The following SLC15A5 variants were observed in gnomAD, a reference collection of about 807,000 sequenced individuals.
SLC15A5 encodes the protein Peptide/histidine transporter ENSP00000340402.
In SLC15A5, 58 loss-of-function variants were observed where a neutral mutation model predicts 56.1. The ratio of observed to expected loss-of-function variants is 1.03; its 90% CI spans 0.84 to 1.29. The LOEUF (loss-of-function observed/expected upper bound fraction) is 1.29. Among genes scored for constraint, SLC15A5 ranks in the 50% most tolerant of loss-of-function variants. The pLI, the probability that SLC15A5 is intolerant of heterozygous loss-of-function variation, is 0.00. For synonymous variants in SLC15A5, 264 were observed against 250.5 expected (o/e 1.05, Z -0.51); for missense variants, 681 against 672.1 (o/e 1.01, Z -0.15).
intron 2 of SLC15A5, among the ~76,000 whole-genome samples, chr12:16,258,118 A>G (rs942199513): frequency 3.3e-5 from 5 of 152,200 alleles, no homozygotes; most frequent in African/African-American, 1.2e-4. Context: ...TTTCATCTAA[A>G]TCAGAGGTTG....
chr12:16,269,801 A>G lies in SLC15A5; in HGVS notation c.584+2760T>C, dbSNP rs560613796. On this transcript the variant is annotated intron_variant, in intron 2 of 8. Transcript: ENST00000344941. This position sits in a 1 kb window ranked among gnomAD's most constrained non-coding sequence, Gnocchi z 4.7. ...GTGATATGCAGATAGGATGCAAATT[A>G]TCAGGTGAAGAAAGTAGAGAAATGC... is the stretch of plus-strand genomic sequence containing the variant. Among the ~76,000 whole-genome samples, 3 of 152,242 alleles carry G rather than the reference A, an allele frequency of 2.0e-5. No homozygotes were observed. Among genetic ancestry groups the G allele is most frequent in the African/African-American group, 4.8e-5 (2 of 41,472 alleles).
intron 7 of SLC15A5, among the ~76,000 whole-genome samples, chr12:16,209,620 TA>T (rs1423837017): frequency 6.6e-6 from 1 of 152,192 alleles, no homozygotes. Context: ...TTCCATTTAG[TA>T]AATGGAATCT....
At chr12:16,250,263 T>G (rs1434822841) in intron 3 of SLC15A5, among the ~76,000 whole-genome samples, 1 of 152,000 alleles carries the variant, frequency 6.6e-6, no homozygotes, top group Non-Finnish European at 1.5e-5. Context: ...GAATTTCTAA[T>G]TGTGTTTATA....
chr12:16,208,242 TG>T (rs546888142), intron 7 of SLC15A5, among the ~76,000 whole-genome samples: 1 of 152,224 alleles, frequency 6.6e-6, no homozygotes, highest in Non-Finnish European at 1.5e-5. Context: ...TCACACTCTC[TG>T]GGTTGTCCCT....
At chr12:16,239,642 T>A in intron 5 of SLC15A5, 39 bp downstream of exon 5, 3 of 1,518,036 alleles carry the variant, frequency 2.0e-6, no homozygotes, top group Non-Finnish European at 2.6e-6. Flanking sequence ...TTTAAAAAAG[T>A]TTCAAACGAT....
In SLC15A5 at chr12:16,234,979, A is replaced by C. The variant is rs141862318; in HGVS notation, c.1162+4702T>G. Among the ~76,000 whole-genome samples the C allele has an allele frequency of 6.1e-3, 923 of 152,178 alleles. 5 individuals are homozygous for C. Among genetic ancestry groups the C allele is most frequent in the Non-Finnish European group, 8.8e-3 (601 of 67,970 alleles). On this transcript the variant is annotated intron_variant, in intron 5 of 8. Coordinates refer to ENST00000344941, the MANE Select transcript of SLC15A5 (RefSeq NM_001170798.1). ...CTCACAGCCTTAAGTATGAAATTCT[A>C]TGGAGTCCTTGAGAAATTCCCTTTG...
rs1864093075 is a variant in SLC15A5, at chr12:16,212,483, C to T, written c.1483+4410G>A. On this transcript the variant is annotated intron_variant, in intron 7 of 8. Transcript: ENST00000344941. ...TCATTGAGGAATACTATTCTGATGG[C>T]TAAAGGGATTGTCACAAAGAGACTT... Among the ~76,000 whole-genome samples, 4 of 149,218 alleles carry T rather than the reference C, an allele frequency of 2.7e-5. No homozygotes were observed. In the Admixed American group the frequency reaches 2.7e-4, roughly 10 times the overall value.
At chr12:16,245,839 C>T (rs974923820) in intron 3 of SLC15A5, among the ~76,000 whole-genome samples, 8 of 152,074 alleles carry the variant, frequency 5.3e-5, no homozygotes, top group African/African-American at 1.9e-4. Context: ...AAAATGCATT[C>T]TAATGAAATT....
In SLC15A5 at chr12:16,269,737, T is replaced by C. The variant is rs1052046355; in HGVS notation, c.584+2824A>G. Among the ~76,000 whole-genome samples the C allele has an allele frequency of 4.6e-5, 7 of 152,186 alleles. No individual in the cohort carries two copies. Among genetic ancestry groups the C allele is most frequent in the Non-Finnish European group, 8.8e-5 (6 of 68,028 alleles). On this transcript the variant is annotated intron_variant, in intron 2 of 8. Coordinates refer to ENST00000344941, the MANE Select transcript of SLC15A5 (RefSeq NM_001170798.1). This position sits in a 1 kb window ranked among gnomAD's most constrained non-coding sequence, Gnocchi z 4.7. Reference sequence around the variant, plus strand: ...AATATTCTATTTGGGCTTTTAATCATGTATATAATTCACCCTAGTAACCCC... The same window carrying C: ...AATATTCTATTTGGGCTTTTAATCACGTATATAATTCACCCTAGTAACCCC...
intron 7 of SLC15A5, among the ~76,000 whole-genome samples, chr12:16,216,501 C>T (rs968117041): frequency 6.6e-6 from 1 of 152,010 alleles, no homozygotes; most frequent in Non-Finnish European, 1.5e-5. Flanking sequence ...AGAATTGTGG[C>T]AAATCATGAG....
rs151293613 is a variant in SLC15A5 at position 16,245,045 on chromosome 12, T to G, written c.755-245A>C. Among the ~76,000 whole-genome samples, 888 of 152,240 alleles carry G rather than the reference T, an allele frequency of 5.8e-3. 7 individuals are homozygous for G. The highest frequency in any genetic ancestry group is 0.02 in the African/African-American group (830 of 41,538). ...AAAGGTAAGATCAATGAAAACATAT[T>G]AAAAGGGAAAGAAAGGTGACAAAAT... is the stretch of plus-strand genomic sequence containing the variant. On this transcript the variant is annotated intron_variant, in intron 3 of 8. Coordinates refer to ENST00000344941, the MANE Select transcript of SLC15A5 (RefSeq NM_001170798.1).
chr12:16,260,199 T>A (rs1428847513), intron 2 of SLC15A5, among the ~76,000 whole-genome samples: 2 of 152,112 alleles, frequency 1.3e-5, no homozygotes, highest in Non-Finnish European at 2.9e-5. Flanking sequence ...GGAGCAGGAC[T>A]TTTTTTGGAG....
chr12:16,240,529 G>A (rs1864403346), intron 4 of SLC15A5, among the ~76,000 whole-genome samples: 1 of 152,006 alleles, frequency 6.6e-6, no homozygotes, highest in South Asian at 2.1e-4. Flanking sequence ...GAAACAACAT[G>A]AAAAAGGTTT....
intron 6 of SLC15A5, among the ~76,000 whole-genome samples, chr12:16,221,548 C>T (rs1365975114): frequency 6.6e-6 from 1 of 152,122 alleles, no homozygotes; most frequent in Non-Finnish European, 1.5e-5. Flanking sequence ...AGATTGTAAC[C>T]AAATGTAGGT....
At chr12:16,220,177 C>T (rs921339149) in intron 6 of SLC15A5, among the ~76,000 whole-genome samples, 2 of 152,162 alleles carry the variant, frequency 1.3e-5, no homozygotes, top group African/African-American at 4.8e-5. Context: ...CATTTTTAGA[C>T]CATTATATCT....
intron 3 of SLC15A5, among the ~76,000 whole-genome samples, chr12:16,257,367 C>T (rs2136807136): frequency 6.6e-6 from 1 of 152,192 alleles, no homozygotes; most frequent in East Asian, 1.9e-4. Flanking sequence ...AGGTGAGGTT[C>T]ATGTATAGTC....
At chr12:16,262,452 C>G (rs993425261) in intron 2 of SLC15A5, among the ~76,000 whole-genome samples, 34 of 152,126 alleles carry the variant, frequency 2.2e-4, no homozygotes, top group African/African-American at 8.0e-4. Flanking sequence ...TGATCTTCTA[C>G]TCTCTGGAAT....
Position 16,271,875 on chromosome 12 carries a change from A to C in SLC15A5, c.584+686T>G, listed in dbSNP as rs139907024. 1.2e-4 allele frequency among the ~76,000 whole-genome samples: 18 copies of C among 152,338 alleles called. No homozygotes were observed. The East Asian group carries it at 3.5e-3, about 29-fold the overall frequency. On this transcript the variant is annotated intron_variant, in intron 2 of 8. Coordinates refer to ENST00000344941, the MANE Select transcript of SLC15A5 (RefSeq NM_001170798.1). This position sits in a 1 kb window ranked among gnomAD's most constrained non-coding sequence, Gnocchi z 8.0. Reference sequence around the variant, plus strand: ...TCCATAAGAACTCGTTGGGAGAGACAAAGATTCACAGGAAGGCTGTTTGAT... The same window carrying C: ...TCCATAAGAACTCGTTGGGAGAGACCAAGATTCACAGGAAGGCTGTTTGAT...
rs1203613239 is a variant in SLC15A5, at chr12:16,269,267, G to C, written c.584+3294C>G. On this transcript the variant is annotated intron_variant, in intron 2 of 8. Transcript: ENST00000344941. This position sits in a 1 kb window ranked among gnomAD's most constrained non-coding sequence, Gnocchi z 4.7. ...ATCCAGGAGGTTCGAGGTGGGACCT[G>C]GGAAACATTTTCAACAAGGTTCTCA... is the stretch of plus-strand genomic sequence containing the variant. 2.6e-5 allele frequency among the ~76,000 whole-genome samples: 4 copies of C among 152,128 alleles called. No individual in the cohort carries two copies. Among genetic ancestry groups the C allele is most frequent in the Non-Finnish European group, 5.9e-5 (4 of 68,026 alleles).
Sources: allele counts gnomAD v4.1 joint callset (sites outside exome capture counted in the v4.1 genomes callset), GRCh38; gene constraint gnomAD v4.1.1; non-coding constraint Gnocchi (gnomAD v3.1); transcripts MANE v1.5; gene names NCBI Gene and HGNC (gene_info 2026-07-23, HGNC 2026-07-21).